SNX29: variants seen among roughly 807,000 people sequenced by gnomAD.
SNX29 encodes the protein sorting nexin 29.
Under a neutral mutation model 102.1 loss-of-function variants are expected in SNX29, and 78 were observed. The ratio of observed to expected loss-of-function variants is 0.76; its 90% CI spans 0.64 to 0.92. The LOEUF (loss-of-function observed/expected upper bound fraction) is 0.92, where lower values mean the gene tolerates loss of function less well. Among genes scored for constraint, SNX29 ranks in the 40% least tolerant of loss-of-function variants. The pLI is 0.00. For synonymous variants in SNX29, 580 were observed against 414.5 expected (o/e 1.40, Z -4.85); for missense variants, 1,280 against 1,061.7 (o/e 1.21, Z -2.86).
chr16:12,172,726 G>A (rs2076176443), intron 13 of SNX29, among the ~76,000 whole-genome samples: 1 of 152,098 alleles, frequency 6.6e-6, no homozygotes, highest in Non-Finnish European at 1.5e-5. Flanking sequence ...ATAATCCCTC[G>A]AGATAGGAAG....
At chr16:12,355,532 G>T (rs746567559) in intron 15 of SNX29, among the ~76,000 whole-genome samples, 6 of 152,136 alleles carry the variant, frequency 3.9e-5, no homozygotes, top group Non-Finnish European at 8.8e-5. Context: ...AAAGATGCTT[G>T]CAGGATTCTT....
At chr16:12,375,302 A>C (rs1243819635) in intron 16 of SNX29, 2 of 152,270 alleles carry the variant, frequency 1.3e-5, no homozygotes, top group African/African-American at 4.8e-5. Context: ...AACAATTTAG[A>C]AATAGCTAAA....
chr16:12,030,571 G>T (rs531850880), intron 4 of SNX29, among the ~76,000 whole-genome samples: 1 of 152,212 alleles, frequency 6.6e-6, no homozygotes, highest in African/African-American at 2.4e-5. Context: ...TCCATCCTCA[G>T]TGAATTCTCT....
chr16:12,325,729 T>C (rs1451656888), intron 15 of SNX29, among the ~76,000 whole-genome samples: 1 of 152,154 alleles, frequency 6.6e-6, no homozygotes, highest in African/African-American at 2.4e-5. Context: ...CGGGATTATA[T>C]TTAAATATAA....
chr16:12,138,813 G>A (rs350276), intron 13 of SNX29, among the ~76,000 whole-genome samples: 67,907 of 151,838 alleles, frequency 0.45, 16,826 homozygotes, highest in East Asian at 0.7. Context: ...AAAGGCACCA[G>A]AGCTGCCTCT....
chr16:12,515,796 G>A (rs566854255), intron 19 of SNX29, among the ~76,000 whole-genome samples: 1 of 152,172 alleles, frequency 6.6e-6, no homozygotes, highest in South Asian at 2.1e-4. Context: ...GCAGGCATGC[G>A]GCAGATAGTC....
At position 12,571,759 on chromosome 16, in the gene SNX29, G is replaced by T. The variant is rs1362110534; in HGVS notation, c.*3130G>T. ...AAACCTAGCCCAACCATCCACTCCT[G>T]ATCTGAGACAGAACCTTCTCCGCCA... On this transcript the variant is annotated 3_prime_UTR_variant, in exon 21 of 21. Transcript: ENST00000566228. The T allele has an allele frequency of 4.9e-6, 5 of 1,013,756 alleles. No homozygotes were observed. Among genetic ancestry groups the T allele is most frequent in the South Asian group, 9.5e-5 (2 of 20,988 alleles). 62.8% of individuals were successfully genotyped at this position (1,013,756 alleles called of 1,614,324 possible). A position where few individuals can be genotyped will look rare whatever the true frequency, so the allele number is the denominator to read the frequency against.
At position 12,357,341 on chromosome 16, in the gene SNX29, C is replaced by CA. The variant is rs569982294; in HGVS notation, c.1899+1071dup. ...ATCTTTGTATTTATCTCTAAAAATACAAAAAAAAATACAATATCCTTATCA... is the reference window on the plus strand; with the variant it reads ...ATCTTTGTATTTATCTCTAAAAATACAAAAAAAAAATACAATATCCTTATCA... On this transcript the variant is annotated intron_variant, in intron 16 of 20. Transcript: ENST00000566228. Among the ~76,000 whole-genome samples, 1,303 of 150,510 alleles carry CA rather than the reference C, an allele frequency of 8.7e-3. 17 individuals carry two copies. Among genetic ancestry groups the CA allele is most frequent in the African/African-American group, 0.029 (1,208 of 41,044 alleles).
chr16:12,193,643 T>C (rs1419230893), intron 13 of SNX29, among the ~76,000 whole-genome samples: 1 of 152,222 alleles, frequency 6.6e-6, no homozygotes, highest in Admixed American at 6.5e-5. Flanking sequence ...ATTACATTTG[T>C]TTGTGGTCCA....
Position 12,091,035 on chromosome 16 carries a change from A to AAAAG in SNX29, c.1402+12128_1402+12131dup, listed in dbSNP as rs1185468245. On this transcript the variant is annotated intron_variant, in intron 11 of 20. Transcript: ENST00000566228. The stretch of plus-strand genomic sequence containing the variant: ...ATCTCAAAAAAAAAAAAAAAAAAAA[A>AAAAG]AAAGAAAGAAAAAGAAAAAAGAGCG... 1.4e-4 allele frequency among the ~76,000 whole-genome samples: 14 copies of AAAAG among 101,238 alleles called. No homozygotes were observed. In the East Asian group the frequency reaches 2.9e-3, roughly 21 times the overall value. The allele number at this position is 101,238 out of a possible 152,430, so 66.4% of individuals were successfully genotyped here. A position where few individuals can be genotyped will look rare whatever the true frequency, so the allele number is the denominator to read the frequency against.
intron 11 of SNX29, among the ~76,000 whole-genome samples, chr16:12,120,354 A>G (rs2053920668): frequency 6.6e-6 from 1 of 152,238 alleles, no homozygotes; most frequent in Admixed American, 6.5e-5. Flanking sequence ...GTCTTTGGAA[A>G]AAGATGCTAT....
At chr16:12,154,719 C>G (rs1886061256) in intron 13 of SNX29, among the ~76,000 whole-genome samples, 1 of 152,134 alleles carries the variant, frequency 6.6e-6, no homozygotes, top group African/African-American at 2.4e-5. Flanking sequence ...GCTGGAAGTC[C>G]AAGATCAAGG....
intron 14 of SNX29, among the ~76,000 whole-genome samples, chr16:12,252,897 G>A (rs533669492): frequency 2.0e-5 from 3 of 152,346 alleles, no homozygotes; most frequent in African/African-American, 7.2e-5. Flanking sequence ...ACCCACTTTA[G>A]CACCAGCTTA....
intron 11 of SNX29, among the ~76,000 whole-genome samples, chr16:12,079,556 G>A (rs188880595): frequency 5.3e-5 from 8 of 152,274 alleles, no homozygotes; most frequent in Admixed American, 3.3e-4. Context: ...GGAAGAAGGC[G>A]TTTGGGAGGC....
chr16:12,063,608 A>C (rs976353764), intron 9 of SNX29, among the ~76,000 whole-genome samples: 11 of 151,100 alleles, frequency 7.3e-5, no homozygotes, highest in African/African-American at 2.7e-4. Flanking sequence ...CAAACTCCTG[A>C]CCTCACGTGA....
Position 12,572,977 on chromosome 16 carries a change from T to C in SNX29, c.*4348T>C. On this transcript the variant is annotated 3_prime_UTR_variant, in exon 21 of 21. Transcript: ENST00000566228. ...CAAGGTCAAAGATTTTTCAAAATAT[T>C]GTGCATTAATTCATTAAAGCTACTG... 1 of 467,122 alleles carries C rather than the reference T, an allele frequency of 2.1e-6. No homozygotes were observed. Among genetic ancestry groups the C allele is most frequent in the Non-Finnish European group, 3.0e-6 (1 of 333,138 alleles). The allele number at this position is 467,122 out of a possible 1,614,324, so 28.9% of individuals were successfully genotyped here.
chr16:12,562,996 G>A (rs2078816315), intron 20 of SNX29, among the ~76,000 whole-genome samples: 1 of 144,476 alleles, frequency 6.9e-6, no homozygotes, highest in African/African-American at 2.6e-5. Flanking sequence ...AAGAAAAACT[G>A]CTTCAATGCG....
chr16:12,279,283 T>C (rs1443392140), intron 15 of SNX29, among the ~76,000 whole-genome samples: 1 of 152,264 alleles, frequency 6.6e-6, no homozygotes, highest in Non-Finnish European at 1.5e-5. Flanking sequence ...GGTGTTCCCC[T>C]AAGTTCATTG....
chr16:12,078,701 A>G (rs1224616976), intron 10 of SNX29, 132 bp from the exon 11 acceptor site: 1 of 759,640 alleles, frequency 1.3e-6, no homozygotes, highest in Non-Finnish European at 2.3e-6. Context: ...AGGCCTGACT[A>G]ATTTCCAATG....
Sources: gnomAD v4.1 joint callset for allele counts (sites outside exome capture counted in the v4.1 genomes callset) on GRCh38, gnomAD v4.1.1 for gene constraint, MANE v1.5 for transcripts, NCBI Gene and HGNC (gene_info 2026-07-23, HGNC 2026-07-21) for gene names.